ARID4B: variants seen among roughly 807,000 people sequenced by gnomAD.
ARID4B encodes AT-rich interactive domain-containing protein 4B.
A neutral mutation model predicts 147.5 loss-of-function variants in ARID4B; 26 were observed. The observed-to-expected ratio is 0.18, with a 90% CI of 0.13 to 0.24. The LOEUF is 0.24. Ranked by LOEUF, ARID4B falls within the 10% of genes least tolerant of loss-of-function variation. The pLI, the probability that ARID4B is intolerant of heterozygous loss-of-function variation, is 1.00. For missense variants in ARID4B, 1,179 were observed against 1,511.5 expected, an observed-to-expected ratio of 0.78 and a Z score of 3.65; for synonymous variants, 512 against 507.9, an observed-to-expected ratio of 1.01 and a Z score of -0.11.
intron 2 of ARID4B, among the ~76,000 whole-genome samples, chr1:235,312,440 C>T (rs1327554852): frequency 6.6e-6 from 1 of 152,084 alleles, no homozygotes; most frequent in Non-Finnish European, 1.5e-5. Context: ...AATCAAGTTA[C>T]CAGGAAGTAA....
In ARID4B at chr1:235,257,027, T is replaced by C. The variant is rs186920297; in HGVS notation, c.183+133A>G. ...AGTCACTGAGATTAAGTCTATTTTT[T>C]CTATTAGTCTTTTTAGAGAAAATTA... On this transcript the variant is annotated intron_variant, in intron 4 of 23. Transcript: ENST00000264183. The C allele has an allele frequency of 6.3e-4, 429 of 676,344 alleles. 4 individuals carry two copies. The African/African-American group carries it at 7.2e-3, about 11-fold the overall frequency. The allele number at this position is 676,344 out of a possible 1,614,324, so 41.9% of individuals were successfully genotyped here.
chr1:235,181,140 T>G (rs1664283490), intron 20 of ARID4B: 7 of 1,024,848 alleles, frequency 6.8e-6, no homozygotes, highest in Middle Eastern at 4.6e-4. Context: ...GACAGTTGGT[T>G]GCTCCAAACC....
chr1:235,259,514 A>C (rs754270832), intron 3 of ARID4B, among the ~76,000 whole-genome samples: 3 of 152,218 alleles, frequency 2.0e-5, no homozygotes, highest in Non-Finnish European at 4.4e-5. Context: ...ACATTGATAA[A>C]AGGCTTTCTC....
In ARID4B at chr1:235,184,483, C is replaced by A. The variant is rs553942354; in HGVS notation, c.2126-1690G>T. 9.9e-5 allele frequency among the ~76,000 whole-genome samples: 15 copies of A among 152,218 alleles called. No homozygotes were observed. The South Asian group carries it at 1.2e-3, about 13-fold the overall frequency. Reference sequence around the variant, plus strand: ...GGGGTTTAGAGGTTAATCTACCCCCCAAGGTAGTTAAATCTAAGTCATTTA... The same window carrying A: ...GGGGTTTAGAGGTTAATCTACCCCCAAAGGTAGTTAAATCTAAGTCATTTA... On this transcript the variant is annotated intron_variant, in intron 19 of 23. Transcript: ENST00000264183.
intron 2 of ARID4B, among the ~76,000 whole-genome samples, chr1:235,324,675 G>A (rs1049294196): frequency 1.3e-5 from 2 of 152,146 alleles, no homozygotes; most frequent in African/African-American, 2.4e-5. Flanking sequence ...GGTGACTCTC[G>A]CCTGTAATCC....
intron 16 of ARID4B, among the ~76,000 whole-genome samples, chr1:235,219,094 C>T (rs1176981428): frequency 6.6e-6 from 1 of 152,012 alleles, no homozygotes; most frequent in African/African-American, 2.4e-5. Flanking sequence ...GAAATCCCGA[C>T]ATCAAGTGAT....
intron 19 of ARID4B, among the ~76,000 whole-genome samples, chr1:235,189,605 A>G (rs918952139): frequency 3.3e-5 from 5 of 151,964 alleles, no homozygotes; most frequent in African/African-American, 7.3e-5. Context: ...AAAGAAAGAT[A>G]ACAGCCAAGT....
intron 8 of ARID4B, among the ~76,000 whole-genome samples, chr1:235,236,997 C>T (rs1040911178): frequency 8.2e-5 from 12 of 146,634 alleles, no homozygotes; most frequent in Admixed American, 6.9e-5. Flanking sequence ...CTCAGCCTCC[C>T]GAGTAGCTGG....
intron 1 of ARID4B, 96 bp from the exon 2 acceptor site, chr1:235,327,064 A>AAG: frequency 1.2e-6 from 1 of 827,028 alleles, no homozygotes; most frequent in Non-Finnish European, 1.9e-6. Flanking sequence ...CCGAACCCCG[A>AAG]AGAAAGAGCC....
chr1:235,167,208 A>G lies in ARID4B; in HGVS notation c.*1317T>C, dbSNP rs1186773425. 2.4e-5 allele frequency: 5 copies of G among 209,460 alleles called. No homozygotes were observed. The highest frequency in any genetic ancestry group is 3.9e-5 in the Non-Finnish European group (4 of 102,704). 13.0% of individuals were successfully genotyped at this position (209,460 alleles called of 1,614,324 possible). On this transcript the variant is annotated 3_prime_UTR_variant, in exon 24 of 24. Coordinates refer to ENST00000264183, the MANE Select transcript of ARID4B (RefSeq NM_016374.6). ...TACAACAAAACGCATTGAAATTCCC[A>G]CGTCGTATTGCCAGGAAACAAAGAA...
chr1:235,262,710 C>T (rs557329864), intron 2 of ARID4B, among the ~76,000 whole-genome samples: 1 of 152,246 alleles, frequency 6.6e-6, no homozygotes, highest in East Asian at 1.9e-4. Context: ...TGGCTCACAC[C>T]TGTAATCCCA....
intron 20 of ARID4B, chr1:235,180,576 TAAATGTG>T (rs1191520844): frequency 6.6e-6 from 1 of 152,208 alleles, no homozygotes; most frequent in Non-Finnish European, 1.5e-5. Flanking sequence ...GTTATACTTG[TAAATGTG>T]AAAAAAAGCA....
At chr1:235,287,791 A>G (rs1672082546) in intron 2 of ARID4B, among the ~76,000 whole-genome samples, 1 of 152,226 alleles carries the variant, frequency 6.6e-6, no homozygotes, top group Non-Finnish European at 1.5e-5. Flanking sequence ...TTATAAAACT[A>G]TAAAAATACA....
chr1:235,181,493 G>T (rs997326254), intron 20 of ARID4B, 92 bp downstream of exon 20: 6 of 1,429,546 alleles, frequency 4.2e-6, no homozygotes, highest in Non-Finnish European at 5.6e-6. Context: ...ACACTTAATC[G>T]CCTCAGGTTA....
chr1:235,315,781 A>T (rs747459000), intron 2 of ARID4B, among the ~76,000 whole-genome samples: 5 of 152,234 alleles, frequency 3.3e-5, no homozygotes, highest in South Asian at 4.1e-4. Context: ...CTGGTTATTC[A>T]CAGTTAGATA....
rs140715426 is a variant in ARID4B, at chr1:235,293,543, G to A, written c.7-32791C>T. 2.6e-3 allele frequency among the ~76,000 whole-genome samples: 399 copies of A among 152,182 alleles called. 3 individuals are homozygous for A. Among genetic ancestry groups the A allele is most frequent in the African/African-American group, 9.2e-3 (382 of 41,526 alleles). On this transcript the variant is annotated intron_variant, in intron 2 of 23. Coordinates refer to ENST00000264183, the MANE Select transcript of ARID4B (RefSeq NM_016374.6). The stretch of plus-strand genomic sequence containing the variant: ...TACATATGTAAATATGAGGTAAAAT[G>A]TCTACCTATAGATAGTATAAATTGT...
At chr1:235,270,986 A>C (rs1379306270) in intron 2 of ARID4B, among the ~76,000 whole-genome samples, 6 of 152,210 alleles carry the variant, frequency 3.9e-5, no homozygotes, top group Non-Finnish European at 8.8e-5. Context: ...GAAGGCAATA[A>C]GTAGAACATT....
chr1:235,312,382 C>A (rs981466698), intron 2 of ARID4B, among the ~76,000 whole-genome samples: 1 of 152,136 alleles, frequency 6.6e-6, no homozygotes, highest in African/African-American at 2.4e-5. Flanking sequence ...ATGTTTGATT[C>A]ATATGTGCAA....
chr1:235,215,080 G>C (rs762229326), intron 16 of ARID4B, among the ~76,000 whole-genome samples: 3 of 151,776 alleles, frequency 2.0e-5, no homozygotes, highest in Non-Finnish European at 4.4e-5. Context: ...CCTGACCTCA[G>C]GTGATCCACC....
Sources: allele counts gnomAD v4.1 joint callset (sites outside exome capture counted in the v4.1 genomes callset), GRCh38; gene constraint gnomAD v4.1.1; transcripts MANE v1.5; gene names NCBI Gene and HGNC (gene_info 2026-07-23, HGNC 2026-07-21).